GRIP1: variants seen among roughly 807,000 people sequenced by gnomAD.
GRIP1 encodes the protein glutamate receptor interacting protein 1.
In GRIP1, 45 loss-of-function variants were observed where a neutral mutation model predicts 129.9. The observed-to-expected ratio is 0.35, with a 90% confidence interval of 0.27 to 0.44. The LOEUF (loss-of-function observed/expected upper bound fraction) is 0.44. GRIP1 is among the 20% of genes least tolerant of loss of function. GRIP1 has a pLI of 1.00. For synonymous variants in GRIP1, 530 were observed against 520.8 expected, an observed-to-expected ratio of 1.02 and a Z score of -0.24; for missense variants, 1,196 against 1,396.8, an observed-to-expected ratio of 0.86 and a Z score of 2.29.
intron 1 of GRIP1, among the ~76,000 whole-genome samples, chr12:66,931,044 T>C (rs1368701822): frequency 6.6e-6 from 1 of 152,214 alleles, no homozygotes; most frequent in Admixed American, 6.5e-5. Flanking sequence ...GCTCTACACT[T>C]TGTTCTGCCC....
At chr12:66,741,104 CTT>C (rs2036775273) in intron 1 of GRIP1, among the ~76,000 whole-genome samples, 1 of 152,164 alleles carries the variant, frequency 6.6e-6, no homozygotes, top group South Asian at 2.1e-4. Flanking sequence ...TCCCAGCTCT[CTT>C]TCATAGAAGA....
intron 1 of GRIP1, among the ~76,000 whole-genome samples, chr12:66,802,672 T>C (rs923674342): frequency 6.6e-6 from 1 of 152,182 alleles, no homozygotes; most frequent in Non-Finnish European, 1.5e-5. Context: ...TGACTCAGTA[T>C]ATATTGACTG....
rs562041537 is a variant in GRIP1 at position 66,785,821 on chromosome 12, C to A, written c.-420+18232G>T. Reference sequence around the variant, plus strand: ...GCAGGGCTGGGCATGGTGGCTCACACCTATAATCTCAGCACTTTGGGAGGC... The same window carrying A: ...GCAGGGCTGGGCATGGTGGCTCACAACTATAATCTCAGCACTTTGGGAGGC... On this transcript the variant is annotated intron_variant, in intron 1 of 4. Coordinates refer to the GRIP1 transcript ENST00000538373. Among the ~76,000 whole-genome samples, 58 of 152,126 alleles carry A rather than the reference C, an allele frequency of 3.8e-4. 1 individual carries two copies. The highest frequency in any genetic ancestry group is 1.1e-3 in the African/African-American group (45 of 41,502).
chr12:66,392,515 G>A lies in GRIP1; in HGVS notation c.2270-13C>T, dbSNP rs754096539. 1 of 1,612,050 alleles carries A rather than the reference G, an allele frequency of 6.2e-7. No individual in the cohort carries two copies. ...GATGCTGACTGGGCTTTATAGACAG[G>A]AAAGGAGTTTAAGTATCAGAGTAAA... On this transcript the variant is annotated splice_polypyrimidine_tract_variant and intron_variant, in intron 18 of 24. Transcript: ENST00000359742.
intron 1 of GRIP1, among the ~76,000 whole-genome samples, chr12:66,902,125 T>C (rs2040853720): frequency 6.6e-6 from 1 of 152,062 alleles, no homozygotes; most frequent in South Asian, 2.1e-4. Context: ...TTTACAGTGG[T>C]GTTGCAATGA....
intron 1 of GRIP1, among the ~76,000 whole-genome samples, chr12:66,741,222 T>C (rs2036778296): frequency 6.6e-6 from 1 of 152,228 alleles, no homozygotes; most frequent in Admixed American, 6.5e-5. Context: ...CAACATTTGA[T>C]AGCAGTTCTT....
At chr12:67,046,377 A>T (rs1320166262) in intron 1 of GRIP1, among the ~76,000 whole-genome samples, 1 of 152,184 alleles carries the variant, frequency 6.6e-6, no homozygotes, top group Non-Finnish European at 1.5e-5. Flanking sequence ...ATTCACGGCG[A>T]TTCCCTTCCA....
At chr12:66,402,219 T>C (rs1473480777) in intron 16 of GRIP1, among the ~76,000 whole-genome samples, 1 of 152,230 alleles carries the variant, frequency 6.6e-6, no homozygotes, top group Non-Finnish European at 1.5e-5. Flanking sequence ...TCTCTTACCA[T>C]TGTGGAATAT....
At chr12:66,580,876 A>T (rs1447974071) in intron 2 of GRIP1, among the ~76,000 whole-genome samples, 1 of 152,012 alleles carries the variant, frequency 6.6e-6, no homozygotes, top group Non-Finnish European at 1.5e-5. Flanking sequence ...AAGGATACCC[A>T]GGAATTGAAC....
intron 1 of GRIP1, among the ~76,000 whole-genome samples, chr12:66,896,805 G>A (rs530137563): frequency 6.6e-6 from 1 of 152,326 alleles, no homozygotes; most frequent in South Asian, 2.1e-4. Context: ...TCGAAGTTAA[G>A]TGTCACGAAA....
At chr12:66,662,133 G>A (rs1360972389) in intron 1 of GRIP1, among the ~76,000 whole-genome samples, 1 of 152,034 alleles carries the variant, frequency 6.6e-6, no homozygotes, top group African/African-American at 2.4e-5. Flanking sequence ...AGGGTTCTGC[G>A]GTTCAGATGA....
intron 1 of GRIP1, among the ~76,000 whole-genome samples, chr12:66,914,891 G>A (rs1372291499): frequency 2.6e-5 from 4 of 152,288 alleles, no homozygotes; most frequent in Non-Finnish European, 4.4e-5. Flanking sequence ...TCAGGAGGCT[G>A]AAGCAAGAGG....
intron 1 of GRIP1, among the ~76,000 whole-genome samples, chr12:66,904,785 G>A (rs891086812): frequency 5.3e-5 from 8 of 152,162 alleles, no homozygotes; most frequent in Middle Eastern, 6.8e-3. Context: ...CCAGCTACTC[G>A]GGGGGCTGAG....
chr12:66,921,993 T>C (rs2041221367), intron 1 of GRIP1, among the ~76,000 whole-genome samples: 5 of 152,248 alleles, frequency 3.3e-5, no homozygotes, highest in Admixed American at 3.3e-4. Context: ...GTTGCTTCCA[T>C]AAACAGAGAC....
intron 1 of GRIP1, among the ~76,000 whole-genome samples, chr12:66,613,373 A>T (rs1320826187): frequency 6.6e-6 from 1 of 152,096 alleles, no homozygotes; most frequent in African/African-American, 2.4e-5. Context: ...AGTACCTCCA[A>T]TGATGTCATT....
chr12:66,996,247 C>A (rs1402902622), intron 1 of GRIP1, among the ~76,000 whole-genome samples: 8 of 151,990 alleles, frequency 5.3e-5, no homozygotes, highest in Non-Finnish European at 1.0e-4. Flanking sequence ...TTGCACAATT[C>A]TGTGAATATA....
chr12:67,052,267 G>A (rs1168175503), intron 1 of GRIP1, among the ~76,000 whole-genome samples: 1 of 152,068 alleles, frequency 6.6e-6, no homozygotes, highest in Admixed American at 6.5e-5. Context: ...TGAGACACAG[G>A]GATCTCCAAA....
intron 1 of GRIP1, among the ~76,000 whole-genome samples, chr12:66,848,814 C>G (rs2039862644): frequency 6.6e-6 from 1 of 152,088 alleles, no homozygotes; most frequent in African/African-American, 2.4e-5. Context: ...TATTCTGACT[C>G]TACCCAGTTC....
chr12:66,782,625 T>C (rs1302612909), intron 1 of GRIP1, among the ~76,000 whole-genome samples: 2 of 152,210 alleles, frequency 1.3e-5, no homozygotes, highest in East Asian at 3.9e-4. Flanking sequence ...CTTCTGGTTA[T>C]GGAAACTAAG....
Sources: allele counts gnomAD v4.1 joint callset (sites outside exome capture counted in the v4.1 genomes callset), GRCh38; gene constraint gnomAD v4.1.1; transcripts MANE v1.5; gene names NCBI Gene and HGNC (gene_info 2026-07-23, HGNC 2026-07-21).